The following SAMD4A variants were observed in gnomAD, a reference collection of about 807,000 sequenced individuals.
The protein encoded by SAMD4A is sterile alpha motif domain containing 4A.
SAMD4A carries 33 observed loss-of-function variants against 81.3 expected under a neutral mutation model. The observed-to-expected ratio is 0.41, with a 90% CI of 0.31 to 0.54. The LOEUF is 0.54. Among genes scored for constraint, SAMD4A ranks in the 20% least tolerant of loss-of-function variants. SAMD4A has a pLI of 0.37. For synonymous variants in SAMD4A, 389 were observed against 382.1 expected (o/e 1.02, Z -0.21); for missense variants, 854 against 951.1 (o/e 0.90, Z 1.34).
chr14:54,703,918 C>T (rs2036785834), intron 3 of SAMD4A: 1 of 152,002 alleles, frequency 6.6e-6, no homozygotes, highest in Non-Finnish European at 1.5e-5. Context: ...GGCATCTGTT[C>T]CTACTTGGAT....
chr14:54,567,521 G>A lies in SAMD4A; in HGVS notation c.-396G>A. The A allele has an allele frequency of 4.3e-6, 1 of 231,768 alleles. No homozygotes were observed. Among genetic ancestry groups the A allele is most frequent in the Non-Finnish European group, 8.5e-6 (1 of 118,140 alleles). 14.4% of individuals were successfully genotyped at this position (231,768 alleles called of 1,614,324 possible). A position where few individuals can be genotyped will look rare whatever the true frequency, so the allele number is the denominator to read the frequency against. ...TGGTGATCGCCGCTCGGGAATGCGG[G>A]CGTGAAGGGTCCGAGTTGCCGCCCA... On this transcript the variant is annotated 5_prime_UTR_variant, in exon 2 of 13. Transcript: ENST00000554335.
At chr14:54,646,514 C>T (rs1324174697) in intron 2 of SAMD4A, among the ~76,000 whole-genome samples, 8 of 152,206 alleles carry the variant, frequency 5.3e-5, no homozygotes, top group African/African-American at 9.6e-5. Flanking sequence ...AGGGTGCACA[C>T]GTTAAGAACC....
At chr14:54,641,090 A>G (rs1432505390) in intron 2 of SAMD4A, among the ~76,000 whole-genome samples, 3 of 152,080 alleles carry the variant, frequency 2.0e-5, no homozygotes, top group Non-Finnish European at 4.4e-5. Flanking sequence ...TCTGTTGAAA[A>G]CTGTGCACTC....
chr14:54,627,095 T>C (rs2034782093), intron 2 of SAMD4A, among the ~76,000 whole-genome samples: 1 of 152,228 alleles, frequency 6.6e-6, no homozygotes, highest in Non-Finnish European at 1.5e-5. Context: ...AAAAATTACA[T>C]AACTATAACT....
intron 2 of SAMD4A, chr14:54,694,553 G>A (rs1486707837): frequency 1.2e-6 from 1 of 856,040 alleles, no homozygotes; most frequent in Non-Finnish European, 1.4e-6. Flanking sequence ...GGGTGCAGTT[G>A]GAGTGTGAAT....
intron 2 of SAMD4A, among the ~76,000 whole-genome samples, chr14:54,641,878 A>G (rs2035182029): frequency 6.6e-6 from 1 of 151,654 alleles, no homozygotes; most frequent in Non-Finnish European, 1.5e-5. Context: ...GGTCACTGCA[A>G]CCTCCTCCTC....
At chr14:54,727,164 TC>T (rs2037436731) in intron 3 of SAMD4A, among the ~76,000 whole-genome samples, 1 of 136,600 alleles carries the variant, frequency 7.3e-6, no homozygotes, top group Non-Finnish European at 1.6e-5. Flanking sequence ...CTTCTTTTTT[TC>T]CTTTTTTTTT....
intron 2 of SAMD4A, among the ~76,000 whole-genome samples, chr14:54,701,593 A>G (rs1247833926): frequency 6.6e-6 from 1 of 152,140 alleles, no homozygotes; most frequent in Non-Finnish European, 1.5e-5. Context: ...ATTTCACACA[A>G]ATGCCTTTAC....
chr14:54,585,654 A>G (rs1049462271), intron 2 of SAMD4A, among the ~76,000 whole-genome samples: 6 of 152,122 alleles, frequency 3.9e-5, no homozygotes, highest in African/African-American at 1.4e-4. Flanking sequence ...TTGCATTCAC[A>G]TAGCGTAACT....
chr14:54,605,674 G>A (rs1284819002), intron 2 of SAMD4A, among the ~76,000 whole-genome samples: 1 of 151,958 alleles, frequency 6.6e-6, no homozygotes, highest in Admixed American at 6.6e-5. Flanking sequence ...AATTTTAATG[G>A]CTATAATAAT....
At chr14:54,775,223 G>T (rs2295824) in intron 10 of SAMD4A, 88 bp downstream of exon 10, 13 of 1,485,550 alleles carry the variant, frequency 8.8e-6, no homozygotes, top group Non-Finnish European at 1.2e-5. Flanking sequence ...AGGGTGGGGA[G>T]AGAGGCCAAA....
At chr14:54,667,753 CCTTTA>C (rs1296185904) in intron 2 of SAMD4A, among the ~76,000 whole-genome samples, 15 of 152,194 alleles carry the variant, frequency 9.9e-5, no homozygotes, top group African/African-American at 1.7e-4. Context: ...TATCTCACAC[CCTTTA>C]CTTTATTTTC....
At chr14:54,610,496 C>T (rs1566546157) in intron 2 of SAMD4A, among the ~76,000 whole-genome samples, 1 of 152,174 alleles carries the variant, frequency 6.6e-6, no homozygotes, top group African/African-American at 2.4e-5. Context: ...TGCTCGGGGT[C>T]TGAAAAGTAT....
chr14:54,647,020 A>G (rs1234246444), intron 2 of SAMD4A, among the ~76,000 whole-genome samples: 1 of 152,202 alleles, frequency 6.6e-6, no homozygotes, highest in East Asian at 1.9e-4. Context: ...TGTTACTTTG[A>G]CACATATTTT....
intron 9 of SAMD4A, among the ~76,000 whole-genome samples, chr14:54,773,763 C>T (rs572157888): frequency 6.6e-6 from 1 of 152,230 alleles, no homozygotes; most frequent in African/African-American, 2.4e-5. Flanking sequence ...ACCTTATATC[C>T]CTCGCCCCAC....
chr14:54,596,798 G>A (rs1212461949), intron 2 of SAMD4A, among the ~76,000 whole-genome samples: 4 of 152,108 alleles, frequency 2.6e-5, no homozygotes, highest in African/African-American at 9.7e-5. Context: ...GTCTGAAGGG[G>A]CAGCCTCCCA....
chr14:54,789,096 G>T lies in SAMD4A; in HGVS notation c.*152G>T. ...CCCGTTTTGATTTTGTGAGAGCGTA[G>T]GTCATCCTCGTAAACATATCAGTAG... is the stretch of plus-strand genomic sequence containing the variant. On this transcript the variant is annotated 3_prime_UTR_variant, in exon 13 of 13. Transcript: ENST00000554335. The T allele has an allele frequency of 2.5e-6, 2 of 785,576 alleles. No homozygotes were observed. Among genetic ancestry groups the T allele is most frequent in the Admixed American group, 4.0e-5 (2 of 49,582 alleles). The allele number at this position is 785,576 out of a possible 1,614,324, so 48.7% of individuals were successfully genotyped here. A position where few individuals can be genotyped will look rare whatever the true frequency, so the allele number is the denominator to read the frequency against.
chr14:54,644,057 A>G (rs562807881), intron 2 of SAMD4A, among the ~76,000 whole-genome samples: 156 of 152,346 alleles, frequency 1.0e-3, no homozygotes, highest in Non-Finnish European at 1.8e-3. Context: ...GTTTCAGGGC[A>G]AACCACTGGG....
rs113218852 is a variant in SAMD4A at position 54,789,128 on chromosome 14, G to A, written c.*184G>A. The stretch of plus-strand genomic sequence containing the variant: ...CTCGTAAACATATCAGTAGACCTGG[G>A]GTTGGTTATTTTGTCATTTGTTTCT... On this transcript the variant is annotated 3_prime_UTR_variant, in exon 13 of 13. Coordinates refer to ENST00000554335, the MANE Select transcript of SAMD4A (RefSeq NM_015589.6). The A allele has an allele frequency of 4.5e-6, 3 of 661,858 alleles. No homozygotes were observed. The highest frequency in any genetic ancestry group is 5.3e-6 in the Non-Finnish European group (2 of 374,830). 41.0% of individuals were successfully genotyped at this position (661,858 alleles called of 1,614,324 possible). A position where few individuals can be genotyped will look rare whatever the true frequency, so the allele number is the denominator to read the frequency against.
Sources: gnomAD v4.1 joint callset for allele counts (sites outside exome capture counted in the v4.1 genomes callset) on GRCh38, gnomAD v4.1.1 for gene constraint, MANE v1.5 for transcripts, NCBI Gene and HGNC (gene_info 2026-07-23, HGNC 2026-07-21) for gene names.